FOXN3: variants seen among roughly 807,000 people sequenced by gnomAD.
FOXN3 encodes forkhead box N3.
In FOXN3, 7 loss-of-function variants were observed where a neutral mutation model predicts 38.4. That is an observed-to-expected ratio of 0.18 (90% CI 0.10 to 0.34). The LOEUF (loss-of-function observed/expected upper bound fraction) is 0.34. Among genes scored for constraint, FOXN3 ranks in the 10% least tolerant of loss-of-function variants. FOXN3 has a pLI of 1.00. For missense variants in FOXN3, 456 were observed against 613.4 expected, an observed-to-expected ratio of 0.74 and a Z score of 2.71; for synonymous variants, 230 against 242.2, an observed-to-expected ratio of 0.95 and a Z score of 0.47.
At chr14:89,242,914 G>C (rs1267536807) in intron 4 of FOXN3, among the ~76,000 whole-genome samples, 2 of 152,164 alleles carry the variant, frequency 1.3e-5, no homozygotes, top group Non-Finnish European at 2.9e-5. Context: ...TCATCTGATG[G>C]TGACACAGTC....
At chr14:89,399,214 G>C (rs1029241905) in intron 2 of FOXN3, among the ~76,000 whole-genome samples, 1 of 152,154 alleles carries the variant, frequency 6.6e-6, no homozygotes, top group African/African-American at 2.4e-5. Flanking sequence ...CAAAGACAAG[G>C]CGCAGAGATG....
At chr14:89,364,354 TTTTGTTTTTG>T (rs890870350) in intron 2 of FOXN3, 3 of 388 alleles carry the variant, frequency 7.7e-3, no homozygotes, top group Non-Finnish European at 0.023. Context: ...TGTTTTTTTG[TTTTGTTTTTG>T]TTTTTGTTTT....
At chr14:89,374,291 G>GA (rs1890408311) in intron 2 of FOXN3, among the ~76,000 whole-genome samples, 1 of 56,020 alleles carries the variant, frequency 1.8e-5, no homozygotes, top group Non-Finnish European at 4.0e-5. Context: ...AAAAAAAAAA[G>GA]AAGGAAGGAA....
chr14:89,497,914 G>A (rs1271857232), intron 1 of FOXN3, among the ~76,000 whole-genome samples: 1 of 126,060 alleles, frequency 7.9e-6, no homozygotes, highest in East Asian at 2.1e-4. Flanking sequence ...TTTCCTGTTT[G>A]TTTGTTTGGT....
chr14:89,295,588 C>G (rs1184651640), intron 3 of FOXN3, among the ~76,000 whole-genome samples: 2 of 151,052 alleles, frequency 1.3e-5, no homozygotes. Flanking sequence ...TTTTTTTTTT[C>G]CTTTTTTTTG....
At chr14:89,414,752 C>T (rs1355142243) in intron 1 of FOXN3, among the ~76,000 whole-genome samples, 1 of 151,978 alleles carries the variant, frequency 6.6e-6, no homozygotes, top group African/African-American at 2.4e-5. Flanking sequence ...GGGGTTTCAC[C>T]ATGTTGGCCA....
At chr14:89,586,665 A>T (rs1186819187) in intron 1 of FOXN3, among the ~76,000 whole-genome samples, 1 of 152,222 alleles carries the variant, frequency 6.6e-6, no homozygotes. Context: ...ACCCCAGTGC[A>T]GGGGATGCGG....
At chr14:89,182,766 C>A (rs946764228) in intron 4 of FOXN3, among the ~76,000 whole-genome samples, 1 of 151,942 alleles carries the variant, frequency 6.6e-6, no homozygotes, top group Non-Finnish European at 1.5e-5. Context: ...CTCATACTGG[C>A]GTAAGTCTAG....
intron 1 of FOXN3, among the ~76,000 whole-genome samples, chr14:89,521,753 C>A (rs1043408900): frequency 1.3e-5 from 2 of 151,396 alleles, no homozygotes; most frequent in Non-Finnish European, 2.9e-5. Context: ...CAAAACAAAA[C>A]AAAAAAAATA....
intron 4 of FOXN3, among the ~76,000 whole-genome samples, chr14:89,189,416 C>T (rs1011585365): frequency 1.3e-5 from 2 of 152,304 alleles, no homozygotes; most frequent in East Asian, 1.9e-4. Context: ...GTGCCAGCCC[C>T]TAAGCGGTGG....
intron 1 of FOXN3, among the ~76,000 whole-genome samples, chr14:89,571,808 A>G (rs1445132297): frequency 1.3e-5 from 2 of 152,236 alleles, no homozygotes; most frequent in Non-Finnish European, 2.9e-5. Flanking sequence ...AGCCAACACA[A>G]TGATGGTAGT....
intron 3 of FOXN3, among the ~76,000 whole-genome samples, chr14:89,313,616 G>C (rs567910010): frequency 2.8e-4 from 42 of 151,294 alleles, no homozygotes; most frequent in African/African-American, 9.9e-4. Flanking sequence ...GTATGACGCA[G>C]CACATGCAGT....
chr14:89,588,526 C>T (rs895430345), intron 1 of FOXN3, among the ~76,000 whole-genome samples: 1 of 152,158 alleles, frequency 6.6e-6, no homozygotes, highest in African/African-American at 2.4e-5. Flanking sequence ...TCAGGGAGTG[C>T]TCTAGGCTAA....
chr14:89,172,778 T>C (rs540979352), intron 5 of FOXN3, among the ~76,000 whole-genome samples: 6 of 152,342 alleles, frequency 3.9e-5, no homozygotes, highest in Admixed American at 1.3e-4. Flanking sequence ...TAATAAGTGA[T>C]GCTGAGATAA....
At chr14:89,444,481 G>GTA (rs10630803) in intron 1 of FOXN3, among the ~76,000 whole-genome samples, 69,126 of 151,376 alleles carry the variant, frequency 0.46, 16,362 homozygotes, top group East Asian at 0.61. Context: ...CTTTCAAGAG[G>GTA]TATAGGTTTA....
chr14:89,363,988 A>AATAT (rs1307024931), intron 2 of FOXN3, among the ~76,000 whole-genome samples: 17 of 52,028 alleles, frequency 3.3e-4, no homozygotes, highest in African/African-American at 1.4e-3. Context: ...ATATATATAT[A>AATAT]ATATATATAT....
At chr14:89,420,634 T>C (rs1891878902), upstream of FOXN3, among the ~76,000 whole-genome samples, 1 of 152,168 alleles carries the variant, frequency 6.6e-6, no homozygotes, top group African/African-American at 2.4e-5. Context: ...TTGATTGTAG[T>C]AGAAGAGGAA....
chr14:89,378,427 T>C (rs1426459289), intron 2 of FOXN3, among the ~76,000 whole-genome samples: 1 of 152,186 alleles, frequency 6.6e-6, no homozygotes, highest in Non-Finnish European at 1.5e-5. Flanking sequence ...CTGGATGATA[T>C]CCTGGGAGAG....
chr14:89,453,199 C>CA lies in FOXN3; in HGVS notation c.-14-40710dup, dbSNP rs1291735690. Among the ~76,000 whole-genome samples, 6 of 146,266 alleles carry CA rather than the reference C, an allele frequency of 4.1e-5. No homozygotes were observed. The South Asian group carries it at 6.5e-4, about 16-fold the overall frequency. On this transcript the variant is annotated intron_variant, in intron 1 of 6. Coordinates refer to the FOXN3 transcript ENST00000345097. The stretch of plus-strand genomic sequence containing the variant: ...GGGAGACAAGAGGAAAACTCCGTCT[C>CA]AAAAAAAAAGAACTAAAAAAAGAAC...
Sources: gnomAD v4.1 joint callset for allele counts (sites outside exome capture counted in the v4.1 genomes callset) on GRCh38, gnomAD v4.1.1 for gene constraint, MANE v1.5 for transcripts, NCBI Gene and HGNC (gene_info 2026-07-23, HGNC 2026-07-21) for gene names.